SCHIP1: variants seen among roughly 807,000 people sequenced by gnomAD.
The protein encoded by SCHIP1 is schwannomin-interacting protein 1.
Under a neutral mutation model 29.7 loss-of-function variants are expected in SCHIP1, and 8 were observed. The observed-to-expected ratio is 0.27, with a 90% CI of 0.16 to 0.49. SCHIP1 has a LOEUF of 0.49. Among genes scored for constraint, SCHIP1 ranks in the 20% least tolerant of loss-of-function variants. The probability of loss-of-function intolerance (pLI) is 0.99; values close to 1 mark genes in which losing one functional copy is unlikely to be tolerated. For synonymous variants in SCHIP1, 76 were observed against 94.9 expected (o/e 0.80, Z 1.16); for missense variants, 193 against 294.6 (o/e 0.66, Z 2.52).
chr3:159,833,792 C>T, the SCHIP1 span, among the ~76,000 whole-genome samples: 1 of 152,154 alleles, frequency 6.6e-6, no homozygotes, highest in Admixed American at 6.6e-5. Flanking sequence ...CTTACTCTAC[C>T]CCAACCCTCT....
chr3:159,617,313 T>A, the SCHIP1 span, among the ~76,000 whole-genome samples: 1 of 152,292 alleles, frequency 6.6e-6, no homozygotes, highest in East Asian at 1.9e-4. Flanking sequence ...TTTCTGATCT[T>A]TCCCTGCCTC....
the SCHIP1 span, among the ~76,000 whole-genome samples, chr3:159,626,395 G>T: frequency 6.6e-6 from 1 of 151,116 alleles, no homozygotes; most frequent in South Asian, 2.1e-4. Flanking sequence ...TTCACCTCAG[G>T]GGCTATATCA....
the SCHIP1 span, among the ~76,000 whole-genome samples, chr3:159,299,360 G>A: frequency 6.6e-6 from 1 of 152,180 alleles, no homozygotes; most frequent in Non-Finnish European, 1.5e-5. Flanking sequence ...TGAATAGGAA[G>A]TCTATACAGG....
At chr3:159,865,001 G>A (rs186084796) in intron 1 of SCHIP1, among the ~76,000 whole-genome samples, 45 of 152,220 alleles carry the variant, frequency 3.0e-4, no homozygotes, top group African/African-American at 9.6e-4. Context: ...TCCTTCACTT[G>A]GGAATGAAAT....
the SCHIP1 span, among the ~76,000 whole-genome samples, chr3:159,303,823 T>C: frequency 6.6e-6 from 1 of 152,222 alleles, no homozygotes; most frequent in African/African-American, 2.4e-5. Context: ...AAGTATGCTA[T>C]AATTTTGGAT....
chr3:159,808,840 C>G, the SCHIP1 span, among the ~76,000 whole-genome samples: 1 of 152,094 alleles, frequency 6.6e-6, no homozygotes, highest in Non-Finnish European at 1.5e-5. Context: ...GCCTGTAATT[C>G]CAGTTACTCG....
At chr3:159,385,489 A>G in the SCHIP1 span, among the ~76,000 whole-genome samples, 1 of 149,586 alleles carries the variant, frequency 6.7e-6, no homozygotes, top group Non-Finnish European at 1.5e-5. Flanking sequence ...CCTGGGAGGT[A>G]GAGGGTGCAG....
the SCHIP1 span, chr3:159,721,962 T>C: frequency 2.6e-6 from 1 of 386,646 alleles, no homozygotes; most frequent in South Asian, 2.1e-5. Context: ...CTCTGTGTTC[T>C]TCAGCTTGAC....
At chr3:159,285,596 G>A in the SCHIP1 span, among the ~76,000 whole-genome samples, 1 of 151,032 alleles carries the variant, frequency 6.6e-6, no homozygotes, top group Admixed American at 6.6e-5. Context: ...TGCTTTTTTT[G>A]TTTCTCATAT....
chr3:159,413,347 C>T, the SCHIP1 span, among the ~76,000 whole-genome samples: 10 of 152,282 alleles, frequency 6.6e-5, no homozygotes, highest in East Asian at 1.9e-3. Flanking sequence ...TGCAGATTCC[C>T]TTCAGATATT....
the SCHIP1 span, among the ~76,000 whole-genome samples, chr3:159,313,610 C>T: frequency 6.6e-6 from 1 of 152,188 alleles, no homozygotes; most frequent in African/African-American, 2.4e-5. Context: ...AGTTTCTCCT[C>T]ATGTTAACAT....
At chr3:159,483,131 G>GTTTTGGGAGATTTTTTTTCTAAACGAA in the SCHIP1 span, among the ~76,000 whole-genome samples, 1 of 152,140 alleles carries the variant, frequency 6.6e-6, no homozygotes, top group Non-Finnish European at 1.5e-5. Flanking sequence ...CCAAGCAGCT[G>GTTTTGGGAGATTTTTTTTCTAAACGAA]TTTTGGGAGA....
the SCHIP1 span, among the ~76,000 whole-genome samples, chr3:159,409,443 G>T: frequency 6.6e-6 from 1 of 151,930 alleles, no homozygotes; most frequent in African/African-American, 2.4e-5. Flanking sequence ...AAAATTGCAG[G>T]ATACAAAATT....
chr3:159,279,278 G>T, the SCHIP1 span, among the ~76,000 whole-genome samples: 17 of 152,232 alleles, frequency 1.1e-4, no homozygotes, highest in African/African-American at 4.1e-4. Context: ...CTGCACACAC[G>T]CTCTTGCCTG....
the SCHIP1 span, among the ~76,000 whole-genome samples, chr3:159,529,195 A>G: frequency 6.6e-6 from 1 of 152,214 alleles, no homozygotes; most frequent in African/African-American, 2.4e-5. Flanking sequence ...CTAAATGGGT[A>G]AAAACAGTGG....
the SCHIP1 span, among the ~76,000 whole-genome samples, chr3:159,631,210 G>A: frequency 6.7e-6 from 1 of 149,714 alleles, no homozygotes; most frequent in African/African-American, 2.4e-5. Flanking sequence ...CAACAATATG[G>A]AGATATCAAA....
At chr3:159,627,909 A>G in the SCHIP1 span, among the ~76,000 whole-genome samples, 13 of 152,338 alleles carry the variant, frequency 8.5e-5, no homozygotes, top group South Asian at 2.7e-3. Flanking sequence ...GATAAAACCC[A>G]TAGAGCTTTC....
chr3:159,555,760 G>A, the SCHIP1 span, among the ~76,000 whole-genome samples: 1 of 152,142 alleles, frequency 6.6e-6, no homozygotes, highest in African/African-American at 2.4e-5. Context: ...AAAACTAAGA[G>A]CATGTTGCTG....
chr3:159,628,637 A>G, the SCHIP1 span, among the ~76,000 whole-genome samples: 2 of 152,316 alleles, frequency 1.3e-5, no homozygotes, highest in African/African-American at 2.4e-5. Context: ...TAAAAGATGT[A>G]TGAGAACCCA....
Sources: gnomAD v4.1 joint callset for allele counts (sites outside exome capture counted in the v4.1 genomes callset) on GRCh38, gnomAD v4.1.1 for gene constraint, MANE v1.5 for transcripts, NCBI Gene and HGNC (gene_info 2026-07-23, HGNC 2026-07-21) for gene names.